Variants in RALYL observed in about 807,000 individuals in gnomAD.
The protein encoded by RALYL is RNA-binding Raly-like protein.
RALYL carries 29 observed loss-of-function variants against 35.1 expected under a neutral mutation model. That is an observed-to-expected ratio of 0.83 (90% confidence interval 0.61 to 1.13). RALYL has a LOEUF of 1.13. RALYL is among the 50% of genes most tolerant of loss of function. The pLI is 0.00. For missense variants in RALYL, 359 were observed against 360.4 expected (o/e 1.00, Z 0.03); for synonymous variants, 120 against 127.6 (o/e 0.94, Z 0.40).
intron 1 of RALYL, among the ~76,000 whole-genome samples, chr8:84,387,638 G>T (rs1218669047): frequency 2.0e-5 from 3 of 151,560 alleles, no homozygotes; most frequent in African/African-American, 7.3e-5. Context: ...ACTATTCAGA[G>T]AACCACTCTC....
chr8:84,448,238 G>A (rs182340667), intron 1 of RALYL, among the ~76,000 whole-genome samples: 162 of 152,016 alleles, frequency 1.1e-3, no homozygotes, highest in African/African-American at 3.6e-3. Context: ...TGTTATGTAT[G>A]TATGTATGGC....
chr8:84,237,430 G>A (rs1321625993), intron 1 of RALYL, among the ~76,000 whole-genome samples: 1 of 152,060 alleles, frequency 6.6e-6, no homozygotes, highest in Non-Finnish European at 1.5e-5. Flanking sequence ...GAGAGGTGAA[G>A]GGAATAAAAT....
chr8:84,728,243 CG>C (rs1845396157), intron 2 of RALYL, among the ~76,000 whole-genome samples: 1 of 151,898 alleles, frequency 6.6e-6, no homozygotes, highest in East Asian at 1.9e-4. Flanking sequence ...AGCATTTTTT[CG>C]TGTGTTTTTT....
At chr8:84,657,795 G>A (rs929763284) in intron 2 of RALYL, among the ~76,000 whole-genome samples, 1 of 152,194 alleles carries the variant, frequency 6.6e-6, no homozygotes, top group Admixed American at 6.5e-5. Flanking sequence ...CTACAGAGCT[G>A]TCAGTCCTGA....
At chr8:84,720,161 A>G (rs1843633206) in intron 2 of RALYL, among the ~76,000 whole-genome samples, 1 of 152,070 alleles carries the variant, frequency 6.6e-6, no homozygotes. Flanking sequence ...AACTCATCTT[A>G]AAAAATGTGT....
chr8:84,816,392 G>A (rs989073428), intron 4 of RALYL, among the ~76,000 whole-genome samples: 1 of 152,076 alleles, frequency 6.6e-6, no homozygotes, highest in African/African-American at 2.4e-5. Flanking sequence ...ACTTTAATAT[G>A]AATTAGTTGT....
At chr8:84,629,019 G>T (rs181704456) in intron 2 of RALYL, among the ~76,000 whole-genome samples, 1 of 152,038 alleles carries the variant, frequency 6.6e-6, no homozygotes, top group African/African-American at 2.4e-5. Context: ...TCAGCAAAAA[G>T]CACAGCATTT....
At chr8:84,761,496 GAATT>G (rs1812699517) in intron 2 of RALYL, among the ~76,000 whole-genome samples, 1 of 151,922 alleles carries the variant, frequency 6.6e-6, no homozygotes, top group Non-Finnish European at 1.5e-5. Context: ...ATTATCCAAT[GAATT>G]AATTAAAATT....
chr8:84,523,441 T>G (rs1041988884), intron 1 of RALYL, among the ~76,000 whole-genome samples: 6 of 152,186 alleles, frequency 3.9e-5, no homozygotes, highest in African/African-American at 1.2e-4. Context: ...GAGATTTGGG[T>G]GGGGACACAA....
chr8:84,433,078 G>A (rs186145672), intron 1 of RALYL, among the ~76,000 whole-genome samples: 48 of 152,216 alleles, frequency 3.2e-4, no homozygotes, highest in African/African-American at 9.6e-4. Context: ...ATTTTATATA[G>A]TCTAATAGTG....
intron 2 of RALYL, among the ~76,000 whole-genome samples, chr8:84,752,320 T>C (rs899745613): frequency 6.6e-6 from 1 of 152,192 alleles, no homozygotes; most frequent in Non-Finnish European, 1.5e-5. Context: ...TGGCTGCTTC[T>C]AACCACCTAT....
intron 1 of RALYL, among the ~76,000 whole-genome samples, chr8:84,451,374 T>C (rs1302111320): frequency 3.9e-5 from 6 of 151,946 alleles, no homozygotes; most frequent in Admixed American, 3.9e-4. Context: ...TATAGTATGC[T>C]CCCCAATTCT....
intron 1 of RALYL, among the ~76,000 whole-genome samples, chr8:84,243,345 G>GT (rs1828380364): frequency 1.3e-5 from 2 of 151,960 alleles, no homozygotes; most frequent in African/African-American, 2.4e-5. Flanking sequence ...TTTGAAAGTA[G>GT]TTTTTTCTAA....
chr8:84,692,651 G>A (rs773067063), intron 2 of RALYL, among the ~76,000 whole-genome samples: 1 of 152,016 alleles, frequency 6.6e-6, no homozygotes, highest in South Asian at 2.1e-4. Context: ...TCCTTTTGCT[G>A]CAGAAACTGA....
chr8:84,478,207 T>A (rs1286488470), intron 1 of RALYL, among the ~76,000 whole-genome samples: 1 of 152,140 alleles, frequency 6.6e-6, no homozygotes, highest in Non-Finnish European at 1.5e-5. Context: ...TTATTTGTAA[T>A]GTTTATGTCT....
At chr8:84,712,791 G>T (rs561557843) in intron 2 of RALYL, among the ~76,000 whole-genome samples, 2 of 150,830 alleles carry the variant, frequency 1.3e-5, no homozygotes, top group African/African-American at 4.9e-5. Context: ...GTTGATAAAA[G>T]AATTATACAT....
chr8:84,397,880 C>A (rs898467271), intron 1 of RALYL, among the ~76,000 whole-genome samples: 1 of 152,140 alleles, frequency 6.6e-6, no homozygotes, highest in Non-Finnish European at 1.5e-5. Flanking sequence ...AAGGGAAAAG[C>A]TGTAATAGCT....
In RALYL at chr8:84,216,139, G is replaced by A. The variant is rs144969532; in HGVS notation, c.-24+31715G>A. Among the ~76,000 whole-genome samples, 42 of 152,144 alleles carry A rather than the reference G, an allele frequency of 2.8e-4. No homozygotes were observed. In the East Asian group the frequency reaches 8.1e-3, roughly 29 times the overall value. ...TCTCTGTTGTACAGATAAGAAAACA[G>A]CTTTATAGATTGAAGATTTTGCAGG... On this transcript the variant is annotated intron_variant, in intron 1 of 8. Transcript: ENST00000521268.
At chr8:84,635,906 A>G (rs566167518) in intron 2 of RALYL, among the ~76,000 whole-genome samples, 1 of 151,894 alleles carries the variant, frequency 6.6e-6, no homozygotes, top group East Asian at 1.9e-4. Flanking sequence ...AACTTACAGT[A>G]TCTTTGGTTT....
Sources: allele counts gnomAD v4.1 joint callset (sites outside exome capture counted in the v4.1 genomes callset), GRCh38; gene constraint gnomAD v4.1.1; transcripts MANE v1.5; gene names NCBI Gene and HGNC (gene_info 2026-07-23, HGNC 2026-07-21).